TDRD12: variants seen among roughly 807,000 people sequenced by gnomAD.
TDRD12 encodes tudor domain containing 12, also known as putative ATP-dependent RNA helicase TDRD12.
A neutral mutation model predicts 133.5 loss-of-function variants in TDRD12; 158 were observed. The observed-to-expected ratio is 1.18, with a 90% CI of 1.04 to 1.35. The LOEUF (loss-of-function observed/expected upper bound fraction) is 1.35. Among genes scored for constraint, TDRD12 ranks in the 40% most tolerant of loss-of-function variants. The pLI, the probability that TDRD12 is intolerant of heterozygous loss-of-function variation, is 0.00. For missense variants in TDRD12, 1,443 were observed against 1,321.3 expected, an observed-to-expected ratio of 1.09 and a Z score of -1.43; for synonymous variants, 460 against 477.9, an observed-to-expected ratio of 0.96 and a Z score of 0.49.
intron 10 of TDRD12, among the ~76,000 whole-genome samples, chr19:32,776,925 G>A (rs1211194011): frequency 1.3e-5 from 2 of 152,162 alleles, no homozygotes; most frequent in Non-Finnish European, 2.9e-5. Flanking sequence ...TCTTGCTCTT[G>A]TTGCCCAGGC....
At chr19:32,808,067 A>AT (rs1209984137) in intron 22 of TDRD12, among the ~76,000 whole-genome samples, 4 of 152,266 alleles carry the variant, frequency 2.6e-5, no homozygotes, top group African/African-American at 7.2e-5. Flanking sequence ...CTACAAACAG[A>AT]TTTTTTAAAA....
chr19:32,732,031 T>C, intron 2 of TDRD12, 148 bp downstream of exon 2: 1 of 777,674 alleles, frequency 1.3e-6, no homozygotes, highest in African/African-American at 1.8e-5. Context: ...TGAGATGGAG[T>C]CTCGCTCTGT....
At chr19:32,804,350 G>A (rs1160590835) in intron 21 of TDRD12, among the ~76,000 whole-genome samples, 2 of 151,214 alleles carry the variant, frequency 1.3e-5, no homozygotes, top group East Asian at 4.0e-4. Context: ...GAGATTACAG[G>A]CGTGAGCCAC....
chr19:32,769,409 A>G (rs1462539276), intron 8 of TDRD12, among the ~76,000 whole-genome samples: 3 of 152,114 alleles, frequency 2.0e-5, no homozygotes, highest in South Asian at 2.1e-4. Flanking sequence ...TTTCTGGTCA[A>G]AGAATGGTTT....
At chr19:32,794,085 T>A (rs1971149308) in intron 13 of TDRD12, among the ~76,000 whole-genome samples, 1 of 132,724 alleles carries the variant, frequency 7.5e-6, no homozygotes, top group Non-Finnish European at 1.6e-5. Context: ...TGAGCCACTG[T>A]GCCTGGCTTT....
intron 10 of TDRD12, among the ~76,000 whole-genome samples, chr19:32,774,694 A>G (rs1161731130): frequency 6.6e-6 from 1 of 152,104 alleles, no homozygotes; most frequent in East Asian, 1.9e-4. Flanking sequence ...TAATTATGAT[A>G]TACTGGCCAG....
In TDRD12 at chr19:32,800,178, AT is replaced by A; in HGVS notation, c.1772del (p.Leu591Ter). 6.7e-7 allele frequency: 1 copy of A among 1,496,838 alleles called. No individual in the cohort carries two copies. The highest frequency in any genetic ancestry group is 8.9e-7 in the Non-Finnish European group (1 of 1,122,798). The allele number at this position is 1,496,838 out of a possible 1,614,324, so 92.7% of individuals were successfully genotyped here. A position where few individuals can be genotyped will look rare whatever the true frequency, so the allele number is the denominator to read the frequency against. ...TGCTAATTTTTCAGATGTTTGCTAT[AT>A]TAGATAACTTTAAAAAAAATATTGA... On this transcript the variant is annotated frameshift_variant, in exon 17 of 28. Coordinates refer to ENST00000444215, the Ensembl canonical transcript of TDRD12. LOFTEE classifies it high-confidence loss of function.
At chr19:32,722,871 G>GGTTTCA (rs1356443448) in intron 1 of TDRD12, among the ~76,000 whole-genome samples, 1 of 151,802 alleles carries the variant, frequency 6.6e-6, no homozygotes. Context: ...GTAGAGACGG[G>GGTTTCA]GTTTCAGCAT....
downstream of TDRD12, among the ~76,000 whole-genome samples, chr19:32,821,834 C>G (rs904344399): frequency 1.3e-5 from 2 of 152,220 alleles, no homozygotes; most frequent in African/African-American, 4.8e-5. Context: ...TTTTATTGCA[C>G]AGCGCCTCAG....
rs1433329397 is a variant in TDRD12 at position 32,757,021 on chromosome 19, T to C, written c.773-17T>C. The C allele has an allele frequency of 4.5e-6, 7 of 1,543,814 alleles. No individual in the cohort carries two copies. In the African/African-American group the frequency reaches 8.2e-5, roughly 18 times the overall value. On this transcript the variant is annotated splice_polypyrimidine_tract_variant and intron_variant, in intron 7 of 27. Coordinates refer to ENST00000444215, the Ensembl canonical transcript of TDRD12. ...TTTATTTCATGCTTTAATTCTGAAA[T>C]TTATTCTTTCTATCAGATTCACATG...
chr19:32,816,785 A>C (rs1258821218), intron 26 of TDRD12, among the ~76,000 whole-genome samples: 2 of 152,202 alleles, frequency 1.3e-5, no homozygotes, highest in African/African-American at 4.8e-5. Context: ...CAGAGGGGGA[A>C]GGATCTGTAT....
In TDRD12 at chr19:32,775,042, G is replaced by A. The variant is rs370623772; in HGVS notation, c.1040+1510G>A. Among the ~76,000 whole-genome samples the A allele has an allele frequency of 4.6e-5, 7 of 151,208 alleles. 1 individual carries two copies. The highest frequency in any genetic ancestry group is 1.7e-4 in the African/African-American group (7 of 41,294). ...CGTTGCTACCATATTTCTTATGCTT[G>A]GGGTTCATTAATGTTCTTTGTTTGT... On this transcript the variant is annotated intron_variant, in intron 10 of 27. Transcript: ENST00000444215.
intron 10 of TDRD12, among the ~76,000 whole-genome samples, chr19:32,774,793 G>A (rs1222611214): frequency 6.6e-6 from 1 of 152,050 alleles, no homozygotes; most frequent in South Asian, 2.1e-4. Flanking sequence ...GACCAGCCTG[G>A]CCAACATGGT....
chr19:32,820,979 A>T, intron 27 of TDRD12, 54 bp from the exon 28 acceptor site: 1 of 1,423,708 alleles, frequency 7.0e-7, no homozygotes, highest in Non-Finnish European at 9.5e-7. Context: ...TTCCTCTTCC[A>T]CTTGGGCAGT....
At chr19:32,779,153 C>T (rs1210759155) in intron 11 of TDRD12, among the ~76,000 whole-genome samples, 1 of 152,032 alleles carries the variant, frequency 6.6e-6, no homozygotes, top group African/African-American at 2.4e-5. Flanking sequence ...TTAAGGATGG[C>T]CAGTCAGAGA....
chr19:32,777,090 A>T, intron 10 of TDRD12, 59 bp from the exon 11 acceptor site: 1 of 1,085,970 alleles, frequency 9.2e-7, no homozygotes, highest in South Asian at 1.5e-5. Flanking sequence ...ATGGGGACTC[A>T]CTGTGTTGCC....
downstream of TDRD12, chr19:32,826,193 C>T (rs1464495829): frequency 6.6e-7 from 1 of 1,526,492 alleles, no homozygotes; most frequent in South Asian, 1.2e-5. Flanking sequence ...GAGTCGGCGT[C>T]CCTTACCCAG....
At chr19:32,736,887 A>C (rs1399701045) in intron 2 of TDRD12, among the ~76,000 whole-genome samples, 1 of 152,136 alleles carries the variant, frequency 6.6e-6, no homozygotes, top group Non-Finnish European at 1.5e-5. Flanking sequence ...AGGCATTTAC[A>C]GATGCTTCTT....
chr19:32,795,467 G>A (rs1490191818), intron 14 of TDRD12, among the ~76,000 whole-genome samples: 1 of 152,124 alleles, frequency 6.6e-6, no homozygotes, highest in Non-Finnish European at 1.5e-5. Flanking sequence ...TTTCACGGAG[G>A]AGAAAATGAG....
Sources: gnomAD v4.1 joint callset for allele counts (sites outside exome capture counted in the v4.1 genomes callset) on GRCh38, gnomAD v4.1.1 for gene constraint, MANE v1.5 for transcripts, NCBI Gene and HGNC (gene_info 2026-07-23, HGNC 2026-07-21) for gene names.